The following CRY2 variants were observed in gnomAD, a reference collection of about 807,000 sequenced individuals.
CRY2 encodes cryptochrome-2.
In CRY2, 31 loss-of-function variants were observed where a neutral mutation model predicts 69.5. The observed-to-expected ratio is 0.45, with a 90% CI of 0.34 to 0.60. The LOEUF (loss-of-function observed/expected upper bound fraction) is 0.60, where lower values mean the gene tolerates loss of function less well. Among genes scored for constraint, CRY2 ranks in the 20% least tolerant of loss-of-function variants. The probability of loss-of-function intolerance (pLI) is 0.02; values close to 1 mark genes in which losing one functional copy is unlikely to be tolerated. For missense variants in CRY2, 606 were observed against 797.8 expected (o/e 0.76, Z 2.90); for synonymous variants, 303 against 312.2 (o/e 0.97, Z 0.31).
chr11:45,857,689 TTGAAGGAG>T (rs574456451), intron 2 of CRY2, among the ~76,000 whole-genome samples: 46 of 152,270 alleles, frequency 3.0e-4, no homozygotes, highest in African/African-American at 1.1e-3. Flanking sequence ...AAGAATTATA[TTGAAGGAG>T]GAGGTCAAGA....
rs1178440799 is a variant in CRY2 at position 45,860,932 on chromosome 11, G to A, written c.552G>A (p.Lys184=). Residue 184 remains lysine, a synonymous_variant, in exon 4 of 12, where the codon AAG becomes AAA. Transcript: ENST00000616080. ...TCAGCCGCATGGAGCTGCCCAAGAA[G>A]CCAGTGGGCTTGGTGACCAGCCAGC... ...AIISRMELPK[K]PVGLVTSQQM... 1.2e-6 allele frequency: 2 copies of A among 1,614,156 alleles called. No homozygotes were observed. Among genetic ancestry groups the A allele is most frequent in the Non-Finnish European group, 1.7e-6 (2 of 1,180,042 alleles).
At chr11:45,877,553 G>A (rs991534935) in intron 11 of CRY2, among the ~76,000 whole-genome samples, 8 of 152,256 alleles carry the variant, frequency 5.3e-5, no homozygotes, top group Non-Finnish European at 1.2e-4. Context: ...TTGGGTTGCA[G>A]AGGGAGACAG....
At chr11:45,869,290 T>C (rs2086355313) in intron 6 of CRY2, among the ~76,000 whole-genome samples, 1 of 152,216 alleles carries the variant, frequency 6.6e-6, no homozygotes, top group African/African-American at 2.4e-5. Flanking sequence ...CCTCTGTAGC[T>C]TTCTTCTTGC....
intron 2 of CRY2, among the ~76,000 whole-genome samples, chr11:45,856,559 G>A (rs1360822166): frequency 1.3e-5 from 2 of 152,244 alleles, no homozygotes; most frequent in Admixed American, 6.5e-5. Flanking sequence ...CACTTTGGGA[G>A]GCCGAGGCAG....
intron 9 of CRY2, 28 bp from the exon 10 acceptor site, chr11:45,870,798 ATCCTGCGAGACGGCAC>A (rs2086373286): frequency 6.5e-7 from 1 of 1,539,720 alleles, no homozygotes; most frequent in Non-Finnish European, 9.0e-7. Flanking sequence ...GCCCTCTGCA[ATCCTGCGAGACGGCAC>A]TCTGATTACT....
chr11:45,875,062 A>G (rs1377352516), intron 11 of CRY2, among the ~76,000 whole-genome samples: 1 of 152,274 alleles, frequency 6.6e-6, no homozygotes, highest in African/African-American at 2.4e-5. Context: ...TTGCTGGTCC[A>G]GGGACCATAC....
intron 1 of CRY2, among the ~76,000 whole-genome samples, chr11:45,855,309 A>G (rs993916969): frequency 2.0e-5 from 3 of 152,208 alleles, no homozygotes; most frequent in Non-Finnish European, 4.4e-5. Context: ...CTAGGGACCC[A>G]TTGCAGGCTG....
At chr11:45,870,586 A>C in intron 9 of CRY2, 54 bp downstream of exon 9, 4 of 1,589,560 alleles carry the variant, frequency 2.5e-6, no homozygotes, top group Non-Finnish European at 3.4e-6. Context: ...CTACAGGCTC[A>C]GGGGGCCAGA....
At chr11:45,857,072 G>A (rs2086246135) in intron 2 of CRY2, among the ~76,000 whole-genome samples, 1 of 152,074 alleles carries the variant, frequency 6.6e-6, no homozygotes, top group East Asian at 1.9e-4. Flanking sequence ...CGAGACAAAA[G>A]GAAAAGTCAT....
chr11:45,868,466 G>A (rs2086349233), intron 6 of CRY2, among the ~76,000 whole-genome samples: 1 of 152,132 alleles, frequency 6.6e-6, no homozygotes, highest in South Asian at 2.1e-4. Context: ...CTCTGCCTCA[G>A]CCTCTCAAGT....
At chr11:45,855,959 C>A in intron 1 of CRY2, 23 bp from the exon 2 acceptor site, 1 of 1,579,744 alleles carries the variant, frequency 6.3e-7, no homozygotes, top group Middle Eastern at 1.7e-4. Context: ...TTATCACTAA[C>A]AAGGCCTGTG....
At chr11:45,850,570 G>A (rs1238431109) in intron 1 of CRY2, among the ~76,000 whole-genome samples, 1 of 152,152 alleles carries the variant, frequency 6.6e-6, no homozygotes, top group Non-Finnish European at 1.5e-5. Context: ...AGGCAGAGCT[G>A]CATTCTCTTT....
In CRY2 at chr11:45,870,062, G is replaced by C. The variant is rs1339198165; in HGVS notation, c.1204G>C (p.Glu402Gln). The change falls in exon 8 of 12, where the codon GAG (glutamate) becomes CAG (glutamine). Residue 402 changes from glutamate to glutamine, a missense_variant. Physicochemically the swap from Glu to Gln is conservative, Grantham distance 29. Coordinates refer to ENST00000616080, the MANE Select transcript of CRY2 (RefSeq NM_021117.5). ...SWESGVRVFD[E>Q]LLLDADFSVN... ...CCCCTCCCCTATCTAGGTATTTGAT[G>C]AGCTGCTCCTGGATGCAGATTTCAG... 1.2e-6 allele frequency: 2 copies of C among 1,601,632 alleles called. No individual in the cohort carries two copies. Among genetic ancestry groups the C allele is most frequent in the Non-Finnish European group, 1.7e-6 (2 of 1,173,202 alleles).
intron 11 of CRY2, among the ~76,000 whole-genome samples, chr11:45,878,246 G>A (rs898443646): frequency 6.6e-6 from 1 of 152,140 alleles, no homozygotes; most frequent in Non-Finnish European, 1.5e-5. Context: ...CTGCACCAAA[G>A]CCTATCCTTG....
chr11:45,862,270 C>T (rs2086293955), intron 5 of CRY2, 122 bp downstream of exon 5: 1 of 841,442 alleles, frequency 1.2e-6, no homozygotes, highest in Non-Finnish European at 1.8e-6. Flanking sequence ...GAAAAATCCT[C>T]CTATCCTCCT....
At chr11:45,848,809 A>G (rs936977071) in intron 1 of CRY2, among the ~76,000 whole-genome samples, 1 of 152,064 alleles carries the variant, frequency 6.6e-6, no homozygotes, top group Non-Finnish European at 1.5e-5. Flanking sequence ...TTTTCTCTCC[A>G]AGGTGTGTGC....
intron 1 of CRY2, among the ~76,000 whole-genome samples, chr11:45,855,501 C>G (rs548777815): frequency 1.3e-5 from 2 of 152,318 alleles, no homozygotes; most frequent in South Asian, 4.1e-4. Flanking sequence ...ACGTGAGTCT[C>G]ACAACAACCT....
chr11:45,850,008 G>T (rs1412909703), intron 1 of CRY2, among the ~76,000 whole-genome samples: 8 of 142,982 alleles, frequency 5.6e-5, no homozygotes, highest in African/African-American at 1.1e-4. Flanking sequence ...TTTGTTTTTT[G>T]TTTTTTTTTT....
intron 10 of CRY2, among the ~76,000 whole-genome samples, chr11:45,871,439 A>T (rs1393823076): frequency 1.3e-5 from 2 of 152,160 alleles, no homozygotes; most frequent in African/African-American, 2.4e-5. Context: ...ACTAGGATTC[A>T]GCCTTCAGTG....
Sources: allele counts gnomAD v4.1 joint callset (sites outside exome capture counted in the v4.1 genomes callset), GRCh38; gene constraint gnomAD v4.1.1; transcripts MANE v1.5; gene names NCBI Gene and HGNC (gene_info 2026-07-23, HGNC 2026-07-21).